Variants in CLASP1 observed in about 807,000 individuals in gnomAD.
The protein encoded by CLASP1 is CLIP-associating protein 1.
In CLASP1, 38 loss-of-function variants were observed where a neutral mutation model predicts 192.3. The ratio of observed to expected loss-of-function variants is 0.20; its 90% CI spans 0.15 to 0.26. CLASP1 has a LOEUF of 0.26. Among genes scored for constraint, CLASP1 ranks in the 10% least tolerant of loss-of-function variants. The pLI is 1.00. For missense variants in CLASP1, 1,433 were observed against 1,932.5 expected, an observed-to-expected ratio of 0.74 and a Z score of 4.85; for synonymous variants, 691 against 712.8, an observed-to-expected ratio of 0.97 and a Z score of 0.49.
chr2:121,471,947 CACCCACTGAGT>C (rs2090809325), intron 8 of CLASP1, among the ~76,000 whole-genome samples: 2 of 152,208 alleles, frequency 1.3e-5, no homozygotes, highest in Non-Finnish European at 2.9e-5. Context: ...AAGGAAAAGT[CACCCACTGAGT>C]ACTGCCAGCA....
chr2:121,395,131 A>G (rs559099767), intron 30 of CLASP1, among the ~76,000 whole-genome samples: 2 of 152,226 alleles, frequency 1.3e-5, no homozygotes, highest in African/African-American at 4.8e-5. Flanking sequence ...ATGAGCTGGA[A>G]GAAGACCTCA....
chr2:121,562,090 T>C (rs1232599169), intron 2 of CLASP1, among the ~76,000 whole-genome samples: 1 of 152,220 alleles, frequency 6.6e-6, no homozygotes, highest in East Asian at 1.9e-4. Context: ...TCCTACAGGT[T>C]GCAACATAAA....
Position 121,530,959 on chromosome 2 carries a change from C to T in CLASP1, c.196-634G>A, listed in dbSNP as rs753681380. The T allele has an allele frequency of 7.4e-5, 52 of 700,298 alleles. No individual in the cohort carries two copies. The highest frequency in any genetic ancestry group is 1.4e-4 in the African/African-American group (8 of 57,186). The allele number at this position is 700,298 out of a possible 1,614,324, so 43.4% of individuals were successfully genotyped here. On this transcript the variant is annotated intron_variant, in intron 2 of 39. Transcript: ENST00000263710. Reference sequence around the variant, plus strand: ...GTACTGCTAACGCCTGAACAACACACCCGCATCAACTAGAGCTTTTGCTTT... The same window carrying T: ...GTACTGCTAACGCCTGAACAACACATCCGCATCAACTAGAGCTTTTGCTTT...
At chr2:121,523,334 C>T (rs1489628511) in intron 6 of CLASP1, among the ~76,000 whole-genome samples, 1 of 152,176 alleles carries the variant, frequency 6.6e-6, no homozygotes, top group Non-Finnish European at 1.5e-5. Flanking sequence ...AATCTGTGTA[C>T]TTCTAAAATA....
exon 39 of CLASP1, chr2:121,347,042 C>T (rs889453306): frequency 6.4e-7 from 1 of 1,561,298 alleles, no homozygotes; most frequent in Non-Finnish European, 8.7e-7. Context: ...ACATACCTTG[C>T]TCCCTGTGAG....
chr2:121,492,060 T>C (rs1016364214), intron 8 of CLASP1, among the ~76,000 whole-genome samples: 3 of 152,082 alleles, frequency 2.0e-5, no homozygotes, highest in African/African-American at 7.2e-5. Context: ...AAAAAATAAA[T>C]TGGACTTCAG....
Position 121,397,290 on chromosome 2 carries a change from G to C in CLASP1, c.2980-7C>G. The C allele has an allele frequency of 6.2e-7, 1 of 1,611,676 alleles. No homozygotes were observed. The highest frequency in any genetic ancestry group is 8.5e-7 in the Non-Finnish European group (1 of 1,178,148). On this transcript the variant is annotated splice_region_variant and splice_polypyrimidine_tract_variant and intron_variant, in intron 29 of 39. Transcript: ENST00000263710. ...TCAGGATTGCAACTTTGACCTGAAA[G>C]AACCAATAATTATAAACATTAAGTA...
intron 12 of CLASP1, among the ~76,000 whole-genome samples, 170 bp from the exon 13 acceptor site, chr2:121,459,145 TTTG>T (rs2087317610): frequency 6.7e-6 from 1 of 148,616 alleles, no homozygotes; most frequent in Non-Finnish European, 1.5e-5. Context: ...GCCCAAAAGT[TTTG>T]TTGTTTTTTT....
chr2:121,531,008 A>G lies in CLASP1; in HGVS notation c.196-683T>C, dbSNP rs893429850. 1.9e-5 allele frequency: 13 copies of G among 700,230 alleles called. No individual in the cohort carries two copies. The highest frequency in any genetic ancestry group is 2.7e-5 in the East Asian group (1 of 37,230). 43.4% of individuals were successfully genotyped at this position (700,230 alleles called of 1,614,324 possible). A position where few individuals can be genotyped will look rare whatever the true frequency, so the allele number is the denominator to read the frequency against. On this transcript the variant is annotated intron_variant, in intron 2 of 39. Coordinates refer to ENST00000263710, the Ensembl canonical transcript of CLASP1. ...TTATTTTGGTGCAATTTTTGGAAAA[A>G]TGAAAACCTGTTTTCATAGACTTAT...
intron 15 of CLASP1, 123 bp downstream of exon 15, chr2:121,451,667 T>C: frequency 2.8e-6 from 2 of 708,782 alleles, no homozygotes; most frequent in Non-Finnish European, 4.9e-6. Context: ...ACAACAGACG[T>C]AGTCATGAAA....
At chr2:121,463,733 G>T (rs1013966896) in intron 9 of CLASP1, among the ~76,000 whole-genome samples, 1 of 152,182 alleles carries the variant, frequency 6.6e-6, no homozygotes, top group African/African-American at 2.4e-5. Flanking sequence ...GTGCAGGGCT[G>T]AAGGGGAAAA....
At chr2:121,523,629 A>AC (rs1221036154) in intron 6 of CLASP1, among the ~76,000 whole-genome samples, 1 of 152,006 alleles carries the variant, frequency 6.6e-6, no homozygotes, top group African/African-American at 2.4e-5. Flanking sequence ...TTCCACTCCC[A>AC]ATGTCTCTTA....
At chr2:121,591,474 T>C (rs1233278466) in intron 2 of CLASP1, among the ~76,000 whole-genome samples, 1 of 152,178 alleles carries the variant, frequency 6.6e-6, no homozygotes, top group Non-Finnish European at 1.5e-5. Flanking sequence ...CTGCGGTGTG[T>C]GGGTGAGACC....
intron 14 of CLASP1, among the ~76,000 whole-genome samples, chr2:121,454,472 C>T (rs2086214219): frequency 6.6e-6 from 1 of 152,154 alleles, no homozygotes; most frequent in Non-Finnish European, 1.5e-5. Flanking sequence ...AATCTTTTGG[C>T]TCCTCTGGGC....
intron 4 of CLASP1, 72 bp downstream of exon 4, chr2:121,528,603 TAC>T (rs149080680): frequency 6.8e-4 from 753 of 1,111,446 alleles, no homozygotes; most frequent in Non-Finnish European, 8.6e-4. Context: ...TTTGTGCAAG[TAC>T]ACACACACAC....
chr2:121,364,894 C>A, intron 36 of CLASP1, 200 bp downstream of exon 37: 1 of 605,854 alleles, frequency 1.7e-6, no homozygotes, highest in Non-Finnish European at 2.9e-6. Context: ...GCACGTAAGC[C>A]AAGCAGCAGC....
At chr2:121,599,026 G>A (rs1053368259) in intron 2 of CLASP1, among the ~76,000 whole-genome samples, 2 of 151,856 alleles carry the variant, frequency 1.3e-5, no homozygotes, top group Non-Finnish European at 2.9e-5. Flanking sequence ...CACCACGCCC[G>A]GCTGACTTTT....
intron 2 of CLASP1, among the ~76,000 whole-genome samples, chr2:121,576,185 G>A (rs1207214924): frequency 2.0e-5 from 3 of 152,146 alleles, no homozygotes; most frequent in Non-Finnish European, 4.4e-5. Context: ...GGTGTTACAG[G>A]TAAAATTTTT....
chr2:121,402,280 T>C (rs2076251502), intron 26 of CLASP1, among the ~76,000 whole-genome samples: 1 of 152,194 alleles, frequency 6.6e-6, no homozygotes, highest in Admixed American at 6.5e-5. Context: ...TAGAATAAAA[T>C]ATATAAAAAT....
Sources: allele counts gnomAD v4.1 joint callset (sites outside exome capture counted in the v4.1 genomes callset), GRCh38; gene constraint gnomAD v4.1.1; transcripts MANE v1.5; gene names NCBI Gene and HGNC (gene_info 2026-07-23, HGNC 2026-07-21).